Variants in ZNF892 observed in about 807,000 individuals in gnomAD.
The protein encoded by ZNF892 is zinc finger protein 892.
chr2:95,238,735 A>T, the ZNF892 span, among the ~76,000 whole-genome samples: 3 of 152,128 alleles, frequency 2.0e-5, no homozygotes, highest in Admixed American at 2.0e-4. Context: ...CATTACTGGG[A>T]GTTTGGAAGA....
chr2:95,206,839 C>T, the ZNF892 span, among the ~76,000 whole-genome samples: 218 of 152,230 alleles, frequency 1.4e-3, 1 homozygote, highest in African/African-American at 5.1e-3. Flanking sequence ...GGAGTTTGTC[C>T]GGCTTTCCCA....
chr2:95,225,055 A>G, the ZNF892 span, among the ~76,000 whole-genome samples: 1 of 152,218 alleles, frequency 6.6e-6, no homozygotes, highest in Non-Finnish European at 1.5e-5. Context: ...ATTACCCATT[A>G]TAGCATTCTG....
chr2:95,234,840 T>C, the ZNF892 span, among the ~76,000 whole-genome samples: 13 of 152,374 alleles, frequency 8.5e-5, 1 homozygote, highest in African/African-American at 3.1e-4. Context: ...CTTTGGGTTT[T>C]ATTATCGTAA....
At chr2:95,213,506 T>C in the ZNF892 span, among the ~76,000 whole-genome samples, 1 of 152,172 alleles carries the variant, frequency 6.6e-6, no homozygotes, top group Non-Finnish European at 1.5e-5. Context: ...GGGGTAGATA[T>C]CTTGAGAGGT....
chr2:95,233,671 T>TAAA, the ZNF892 span, among the ~76,000 whole-genome samples: 1 of 4,964 alleles, frequency 2.0e-4, no homozygotes, highest in African/African-American at 1.7e-3. Context: ...AGACTCCATC[T>TAAA]CAAAAAAAAA....
the ZNF892 span, among the ~76,000 whole-genome samples, chr2:95,232,448 G>C: frequency 6.6e-6 from 1 of 152,198 alleles, no homozygotes; most frequent in Admixed American, 6.5e-5. Flanking sequence ...CTACAATCCA[G>C]GCAGGGCGCC....
the ZNF892 span, among the ~76,000 whole-genome samples, chr2:95,221,411 T>C: frequency 5.3e-5 from 8 of 152,228 alleles, 1 homozygote; most frequent in South Asian, 1.4e-3. Flanking sequence ...GATTTTCTGA[T>C]GTTAAAGAAT....
chr2:95,245,584 G>GGAA, the ZNF892 span, among the ~76,000 whole-genome samples: 4 of 126,068 alleles, frequency 3.2e-5, no homozygotes, highest in Non-Finnish European at 6.4e-5. Flanking sequence ...CTGGTTTTTT[G>GGAA]AAAAAAAAAA....
the ZNF892 span, among the ~76,000 whole-genome samples, chr2:95,225,119 C>G: frequency 6.6e-6 from 1 of 152,226 alleles, no homozygotes; most frequent in Admixed American, 6.5e-5. Flanking sequence ...GCTTCTTTCA[C>G]TTACCATAAT....
At chr2:95,213,962 T>C in the ZNF892 span, among the ~76,000 whole-genome samples, 1 of 152,198 alleles carries the variant, frequency 6.6e-6, no homozygotes, top group Non-Finnish European at 1.5e-5. Flanking sequence ...ACCATCTTTC[T>C]CTGATCCTAT....
the ZNF892 span, among the ~76,000 whole-genome samples, chr2:95,250,967 G>C: frequency 6.8e-6 from 1 of 147,444 alleles, no homozygotes. Flanking sequence ...GTAAATAAAT[G>C]CTTATATAAA....
At chr2:95,242,599 A>G in the ZNF892 span, among the ~76,000 whole-genome samples, 4 of 152,210 alleles carry the variant, frequency 2.6e-5, no homozygotes, top group Non-Finnish European at 5.9e-5. Flanking sequence ...TCTGCAATAT[A>G]ACCAGCTAGC....
chr2:95,260,135 G>A, the ZNF892 span, among the ~76,000 whole-genome samples: 7 of 152,214 alleles, frequency 4.6e-5, no homozygotes, highest in Non-Finnish European at 8.8e-5. Context: ...GCTGGCCCAT[G>A]TCTGAGTTTC....
the ZNF892 span, among the ~76,000 whole-genome samples, chr2:95,220,844 A>G: frequency 6.6e-6 from 1 of 152,232 alleles, no homozygotes; most frequent in African/African-American, 2.4e-5. Context: ...AATAGCTATG[A>G]CTAAGAATAT....
chr2:95,261,372 G>A, the ZNF892 span, among the ~76,000 whole-genome samples: 34 of 151,146 alleles, frequency 2.2e-4, no homozygotes. Flanking sequence ...TCAGCCCACT[G>A]CAACCTTCGC....
At chr2:95,249,585 C>T in the ZNF892 span, among the ~76,000 whole-genome samples, 2 of 151,916 alleles carry the variant, frequency 1.3e-5, no homozygotes, top group African/African-American at 4.8e-5. Context: ...CTTTCTTTTA[C>T]AGAGCAACCT....
the ZNF892 span, chr2:95,231,940 T>G: frequency 6.6e-6 from 1 of 152,222 alleles, no homozygotes; most frequent in Admixed American, 6.5e-5. Context: ...TTGAGCAGAC[T>G]ATGACTCATA....
the ZNF892 span, among the ~76,000 whole-genome samples, chr2:95,234,019 T>C: frequency 6.6e-6 from 1 of 152,204 alleles, no homozygotes; most frequent in African/African-American, 2.4e-5. Flanking sequence ...TTGTGAAATA[T>C]GTGTGTCTTT....
the ZNF892 span, among the ~76,000 whole-genome samples, chr2:95,251,173 G>C: frequency 6.6e-6 from 1 of 152,008 alleles, no homozygotes; most frequent in South Asian, 2.1e-4. Flanking sequence ...ATGTAGATAT[G>C]AACATACAAA....
Sources: allele counts gnomAD v4.1 joint callset (sites outside exome capture counted in the v4.1 genomes callset), GRCh38; gene constraint gnomAD v4.1.1; transcripts MANE v1.5; gene names NCBI Gene and HGNC (gene_info 2026-07-23, HGNC 2026-07-21).